PTPRS: variants seen among roughly 807,000 people sequenced by gnomAD.
The protein encoded by PTPRS is receptor-type tyrosine-protein phosphatase S.
PTPRS carries 63 observed loss-of-function variants against 215.3 expected under a neutral mutation model. The observed-to-expected ratio is 0.29, with a 90% CI of 0.24 to 0.36. PTPRS has a LOEUF of 0.36. PTPRS is among the 10% of genes least tolerant of loss of function. PTPRS has a pLI of 1.00. For missense variants in PTPRS, 2,258 were observed against 2,825.8 expected, an observed-to-expected ratio of 0.80 and a Z score of 4.56; for synonymous variants, 1,404 against 1,191.4, an observed-to-expected ratio of 1.18 and a Z score of -3.68.
chr19:5,324,298 G>T (rs139772175), intron 1 of PTPRS, among the ~76,000 whole-genome samples: 3 of 150,724 alleles, frequency 2.0e-5, no homozygotes, highest in African/African-American at 7.3e-5. Context: ...AGTACTCAGC[G>T]CACAGTCCGG....
chr19:5,325,039 G>A (rs747605484), intron 1 of PTPRS, among the ~76,000 whole-genome samples: 13 of 152,336 alleles, frequency 8.5e-5, no homozygotes, highest in Middle Eastern at 3.4e-3. Flanking sequence ...CCTAAGGGAA[G>A]CTGCCAGGTT....
Position 5,220,138 on chromosome 19 carries a change from G to A in PTPRS, c.3566C>T (p.Ser1189Leu). 6.2e-7 allele frequency: 1 copy of A among 1,612,076 alleles called. No homozygotes were observed. Among genetic ancestry groups the A allele is most frequent in the Non-Finnish European group, 8.5e-7 (1 of 1,179,206 alleles). Reference sequence around the variant, plus strand: ...CCGCAGGCTGCGCCTCTGTAGCCGTGAGATGTCCTGGATGAGCTGCGGGAA... The same window carrying A: ...CCGCAGGCTGCGCCTCTGTAGCCGTAAGATGTCCTGGATGAGCTGCGGGAA... ...MDLEELIQDISRLQRRSLRHS... is the reference protein window; with the variant it reads ...MDLEELIQDILRLQRRSLRHS... The change falls in exon 22 of 38, where the codon TCA becomes TTA. Residue 1189 changes from serine to leucine, a missense_variant. Physicochemically the swap from Ser to Leu is moderately radical, Grantham distance 145. Transcript: ENST00000262963.
At chr19:5,230,339 C>T (rs2042910811) in intron 14 of PTPRS, among the ~76,000 whole-genome samples, 1 of 152,212 alleles carries the variant, frequency 6.6e-6, no homozygotes, top group South Asian at 2.1e-4. Flanking sequence ...ACTCTGTCAC[C>T]TAGGCTGGCA....
In PTPRS at chr19:5,294,095, C is replaced by A. The variant is rs1380605476; in HGVS notation, c.-94-7861G>T. Among the ~76,000 whole-genome samples, 1 of 152,194 alleles carries A rather than the reference C, an allele frequency of 6.6e-6. No homozygotes were observed. Among genetic ancestry groups the A allele is most frequent in the African/African-American group, 2.4e-5 (1 of 41,460 alleles). On this transcript the variant is annotated intron_variant, in intron 1 of 37. Coordinates refer to ENST00000262963, the MANE Select transcript of PTPRS (RefSeq NM_002850.4). The surrounding 1 kb of genome is among the most constrained non-coding windows in gnomAD (Gnocchi z 5.1). Reference sequence around the variant, plus strand: ...AGGGGCAGAGGCCGGGATGGAGACCCAAGGGCTCCCGCGTCTGCTCCCATC... The same window carrying A: ...AGGGGCAGAGGCCGGGATGGAGACCAAAGGGCTCCCGCGTCTGCTCCCATC...
rs554345369 is a variant in PTPRS, at chr19:5,209,053, C to T, written c.5488-662G>A. On this transcript the variant is annotated intron_variant, in intron 35 of 37. Transcript: ENST00000262963. ...ATCTTCCACCATCCAATAACAGTGC[C>T]ACTGCTACCACCCACTGCTGGTAAC... is the stretch of plus-strand genomic sequence containing the variant. Among the ~76,000 whole-genome samples the T allele has an allele frequency of 3.9e-5, 6 of 152,194 alleles. No homozygotes were observed. The East Asian group carries it at 1.2e-3, about 29-fold the overall frequency.
intron 19 of PTPRS, among the ~76,000 whole-genome samples, 168 bp downstream of exon 19, chr19:5,221,955 C>G (rs2042013623): frequency 6.6e-6 from 1 of 152,134 alleles, no homozygotes; most frequent in African/African-American, 2.4e-5. Context: ...TAGGCTGGGC[C>G]CCAAGTCTGA....
In PTPRS at chr19:5,244,184, C is replaced by A; in HGVS notation, c.1287G>T (p.Ala429=). 6.3e-7 allele frequency: 1 copy of A among 1,599,190 alleles called. No homozygotes were observed. The part of the protein sequence containing the change: ...TRTGEQAPAS[A]PRNVQARMLS... ...GCATCCGGGCTTGCACGTTCCGCGG[C>A]GCGCTGGCCGGGGCCTGCTCGCCTG... The change falls in exon 11 of 38, where the codon GCG becomes GCT. Residue 429 remains alanine, a synonymous_variant. Coordinates refer to ENST00000262963, the MANE Select transcript of PTPRS (RefSeq NM_002850.4). This position sits in a 1 kb window ranked among gnomAD's most constrained non-coding sequence, Gnocchi z 7.2.
At chr19:5,263,455 GA>G (rs1156880953) in intron 5 of PTPRS, among the ~76,000 whole-genome samples, 1 of 152,142 alleles carries the variant, frequency 6.6e-6, no homozygotes, top group East Asian at 1.9e-4. Flanking sequence ...GGCAGTGAGT[GA>G]GGGGCGCTGG....
At chr19:5,241,266 T>C (rs1289536968) in intron 11 of PTPRS, among the ~76,000 whole-genome samples, 1 of 151,982 alleles carries the variant, frequency 6.6e-6, no homozygotes, top group Non-Finnish European at 1.5e-5. Context: ...CAGGGAGATA[T>C]GTGTGCCTAT....
intron 12 of PTPRS, 131 bp from the exon 13 acceptor site, chr19:5,239,194 A>C: frequency 1.5e-6 from 1 of 659,884 alleles, no homozygotes; most frequent in Non-Finnish European, 2.5e-6. Flanking sequence ...AGAGACAGAG[A>C]AATAGAGACA....
chr19:5,284,846 G>A (rs1296160135), intron 2 of PTPRS, among the ~76,000 whole-genome samples: 4 of 152,170 alleles, frequency 2.6e-5, no homozygotes, highest in Non-Finnish European at 5.9e-5. Flanking sequence ...TACCTGGGAG[G>A]CTGAGGTGGG....
intron 28 of PTPRS, among the ~76,000 whole-genome samples, chr19:5,214,975 G>A (rs11669460): frequency 0.13 from 20,142 of 152,268 alleles, 2,005 homozygotes; most frequent in African/African-American, 0.27. Flanking sequence ...CCTGGCCTCC[G>A]CCCACTCCAC....
In PTPRS at chr19:5,210,832, G is replaced by C. The variant is rs760654596; in HGVS notation, c.5235-27C>G. The C allele has an allele frequency of 1.9e-6, 3 of 1,607,952 alleles. No individual in the cohort carries two copies. The highest frequency in any genetic ancestry group is 2.5e-6 in the Non-Finnish European group (3 of 1,178,162). ...TGCAGGCGTTGGGGGTATGAGCCCAGGGCCGGCAGGGAGACCCGGCGTGGT... is the reference window on the plus strand; with the variant it reads ...TGCAGGCGTTGGGGGTATGAGCCCACGGCCGGCAGGGAGACCCGGCGTGGT... On this transcript the variant is annotated intron_variant, in intron 33 of 37. Coordinates refer to ENST00000262963, the MANE Select transcript of PTPRS (RefSeq NM_002850.4). This position sits in a 1 kb window ranked among gnomAD's most constrained non-coding sequence, Gnocchi z 4.5.
Position 5,222,314 on chromosome 19 carries a change from C to G in PTPRS, c.3104-94G>C. On this transcript the variant is annotated intron_variant, in intron 18 of 37. Coordinates refer to ENST00000262963, the MANE Select transcript of PTPRS (RefSeq NM_002850.4). Reference sequence around the variant, plus strand: ...CGTGAAGCGGGGTGGGGTGGGGCGGCCCAGGCGCTCCCTGTCGTCCGCTGT... The same window carrying G: ...CGTGAAGCGGGGTGGGGTGGGGCGGGCCAGGCGCTCCCTGTCGTCCGCTGT... 7.8e-6 allele frequency: 8 copies of G among 1,026,508 alleles called. No homozygotes were observed. In the South Asian group the frequency reaches 1.1e-4, roughly 14 times the overall value. The allele number at this position is 1,026,508 out of a possible 1,614,324, so 63.6% of individuals were successfully genotyped here.
At chr19:5,327,031 T>C (rs1187317911) in intron 1 of PTPRS, among the ~76,000 whole-genome samples, 3 of 152,044 alleles carry the variant, frequency 2.0e-5, no homozygotes, top group Non-Finnish European at 4.4e-5. Context: ...GTGACTCAGT[T>C]TCCCCACTGA....
At chr19:5,246,395 A>T (rs1213725889) in intron 9 of PTPRS, among the ~76,000 whole-genome samples, 1 of 152,254 alleles carries the variant, frequency 6.6e-6, no homozygotes, top group Non-Finnish European at 1.5e-5. Context: ...TCTCATAGCA[A>T]CAGGGTTTCA....
chr19:5,223,302 G>A lies in PTPRS; in HGVS notation c.2495-5C>T, dbSNP rs150239914. 33,293 of 1,450,484 alleles carry A rather than the reference G, an allele frequency of 0.023. 451 individuals carry two copies. The highest frequency in any genetic ancestry group is 0.026 in the Non-Finnish European group (29,296 of 1,109,390). The allele number at this position is 1,450,484 out of a possible 1,614,324, so 89.9% of individuals were successfully genotyped here. Reference sequence around the variant, plus strand: ...ACAGGGTTGGGCGGCCCAGCACTGCGGGGATACGGGGCAGGTGTCAGGGTC... The same window carrying A: ...ACAGGGTTGGGCGGCCCAGCACTGCAGGGATACGGGGCAGGTGTCAGGGTC... On this transcript the variant is annotated splice_region_variant and splice_polypyrimidine_tract_variant and intron_variant, in intron 17 of 37. Transcript: ENST00000262963.
At chr19:5,213,538 G>C (rs553825707) in intron 30 of PTPRS, among the ~76,000 whole-genome samples, 96 of 152,364 alleles carry the variant, frequency 6.3e-4, no homozygotes, top group African/African-American at 2.2e-3. Context: ...GTTGTGGTCT[G>C]TGTCTTGTCT....
intron 16 of PTPRS, among the ~76,000 whole-genome samples, chr19:5,228,335 A>G (rs1216045110): frequency 2.0e-5 from 2 of 99,802 alleles, no homozygotes; most frequent in Non-Finnish European, 4.1e-5. Flanking sequence ...ATAGTGTGAG[A>G]CTCCGTCTGG....
Sources: allele counts gnomAD v4.1 joint callset (sites outside exome capture counted in the v4.1 genomes callset), GRCh38; gene constraint gnomAD v4.1.1; non-coding constraint Gnocchi (gnomAD v3.1); transcripts MANE v1.5; gene names NCBI Gene and HGNC (gene_info 2026-07-23, HGNC 2026-07-21).